Variants in SLC4A7 observed in about 807,000 individuals in gnomAD.
The protein encoded by SLC4A7 is sodium bicarbonate cotransporter 3.
SLC4A7 carries 51 observed loss-of-function variants against 137.6 expected under a neutral mutation model. The observed-to-expected ratio is 0.37, with a 90% CI of 0.30 to 0.47. The LOEUF is 0.47. Among genes scored for constraint, SLC4A7 ranks in the 20% least tolerant of loss-of-function variants. The pLI, the probability that SLC4A7 is intolerant of heterozygous loss-of-function variation, is 1.00. For synonymous variants in SLC4A7, 542 were observed against 518.6 expected, an observed-to-expected ratio of 1.05 and a Z score of -0.61; for missense variants, 1,247 against 1,525.4, an observed-to-expected ratio of 0.82 and a Z score of 3.04.
chr3:27,463,308 A>G (rs2058796999), intron 1 of SLC4A7, among the ~76,000 whole-genome samples: 1 of 152,070 alleles, frequency 6.6e-6, no homozygotes, highest in Non-Finnish European at 1.5e-5. Context: ...GCGGGCGCCT[A>G]TAGTCCAGCT....
At chr3:27,452,376 T>C (rs1028458236) in intron 2 of SLC4A7, 41 bp downstream of exon 2, 1 of 1,273,616 alleles carries the variant, frequency 7.9e-7, no homozygotes. Context: ...AATTAGTAAA[T>C]TATCCTACTA....
chr3:27,442,217 G>A (rs2057254301), intron 3 of SLC4A7, among the ~76,000 whole-genome samples: 1 of 152,034 alleles, frequency 6.6e-6, no homozygotes, highest in Non-Finnish European at 1.5e-5. Context: ...GGACTAAAAT[G>A]TCCCTAATAT....
chr3:27,451,000 T>C (rs1029715450), intron 2 of SLC4A7, among the ~76,000 whole-genome samples: 1 of 152,056 alleles, frequency 6.6e-6, no homozygotes, highest in African/African-American at 2.4e-5. Context: ...ACTGTACATT[T>C]GAATTAGTAA....
intron 1 of SLC4A7, chr3:27,456,974 T>G (rs542883561): frequency 2.0e-5 from 20 of 978,678 alleles, no homozygotes; most frequent in Non-Finnish European, 2.3e-5. Context: ...AACTGAAACC[T>G]TTCTGCAATG....
At chr3:27,400,092 T>C (rs2052599101) in intron 16 of SLC4A7, among the ~76,000 whole-genome samples, 1 of 152,186 alleles carries the variant, frequency 6.6e-6, no homozygotes, top group Non-Finnish European at 1.5e-5. Flanking sequence ...TTAGTCTTAA[T>C]TCTAACTACT....
intron 22 of SLC4A7, among the ~76,000 whole-genome samples, chr3:27,389,124 G>C (rs79476416): frequency 0.06 from 9,074 of 151,822 alleles, 901 homozygotes; most frequent in African/African-American, 0.21. Context: ...TAGTTGCATT[G>C]AAGTCTTCTT....
At chr3:27,376,928 AC>A in intron 25 of SLC4A7, 83 bp from the exon 26 acceptor site, 1 of 564,174 alleles carries the variant, frequency 1.8e-6, no homozygotes, top group Non-Finnish European at 2.8e-6. Context: ...AGTATACTAA[AC>A]CTTCTGAGAT....
At chr3:27,420,175 G>C (rs1371710822) in intron 10 of SLC4A7, among the ~76,000 whole-genome samples, 1 of 149,606 alleles carries the variant, frequency 6.7e-6, no homozygotes, top group South Asian at 2.1e-4. Context: ...AAAAAAAAAA[G>C]AAAAGAAAAG....
intron 17 of SLC4A7, 105 bp downstream of exon 17, chr3:27,398,087 T>C (rs779834530): frequency 5.2e-6 from 4 of 771,620 alleles, no homozygotes; most frequent in South Asian, 2.0e-5. Flanking sequence ...CCAGTTGGCA[T>C]GGAGTATTAA....
chr3:27,484,044 C>T, intron 1 of SLC4A7, 23 bp downstream of exon 1: 2 of 1,389,592 alleles, frequency 1.4e-6, no homozygotes, highest in South Asian at 1.5e-5. Flanking sequence ...TGCGGAGGAG[C>T]CCCACCGCCG....
Position 27,374,169 on chromosome 3 carries a change from A to G in SLC4A7, c.*2595T>C, listed in dbSNP as rs1030290109. On this transcript the variant is annotated 3_prime_UTR_variant, in exon 26 of 26. Transcript: ENST00000454389. Reference sequence around the variant, plus strand: ...GATTTACTACAGACTTTGTAAACAGATATCTATAAATAAATAAACTAGGGT... The same window carrying G: ...GATTTACTACAGACTTTGTAAACAGGTATCTATAAATAAATAAACTAGGGT... The G allele has an allele frequency of 1.3e-5, 2 of 152,546 alleles. No individual in the cohort carries two copies. Among genetic ancestry groups the G allele is most frequent in the Admixed American group, 6.5e-5 (1 of 15,276 alleles). The allele number at this position is 152,546 out of a possible 1,614,324, so 9.4% of individuals were successfully genotyped here. A position where few individuals can be genotyped will look rare whatever the true frequency, so the allele number is the denominator to read the frequency against.
chr3:27,454,151 T>C lies in SLC4A7; in HGVS notation c.61-1653A>G, dbSNP rs552515148. ...ATAGCAAGACCCCCATCTCCATTTA[T>C]TTAATAAAATTTTTAATTAAAAAGA... On this transcript the variant is annotated intron_variant, in intron 1 of 25. Coordinates refer to ENST00000454389, the MANE Select transcript of SLC4A7 (RefSeq NM_001321103.2). Among the ~76,000 whole-genome samples the C allele has an allele frequency of 7.2e-5, 11 of 152,188 alleles. No individual in the cohort carries two copies. In the South Asian group the frequency reaches 2.3e-3, roughly 32 times the overall value.
chr3:27,399,825 A>G (rs993734529), intron 16 of SLC4A7, among the ~76,000 whole-genome samples: 1 of 152,250 alleles, frequency 6.6e-6, no homozygotes, highest in Non-Finnish European at 1.5e-5. Context: ...AGGAGCCAGC[A>G]GTCACATGAA....
intron 1 of SLC4A7, among the ~76,000 whole-genome samples, chr3:27,483,187 G>A (rs1402416543): frequency 1.3e-5 from 2 of 152,208 alleles, no homozygotes; most frequent in African/African-American, 2.4e-5. Context: ...AGACAACTGC[G>A]GGGACGCATG....
At chr3:27,385,262 T>C (rs1013426515) in intron 23 of SLC4A7, among the ~76,000 whole-genome samples, 2 of 152,184 alleles carry the variant, frequency 1.3e-5, no homozygotes, top group Admixed American at 6.5e-5. Flanking sequence ...TTTTCCTTCT[T>C]ATTAACCGAT....
chr3:27,405,696 G>A (rs939664282), intron 13 of SLC4A7, among the ~76,000 whole-genome samples: 11 of 151,996 alleles, frequency 7.2e-5, no homozygotes, highest in Non-Finnish European at 1.2e-4. Flanking sequence ...ATATTTTAAA[G>A]AAATTAATCT....
intron 2 of SLC4A7, among the ~76,000 whole-genome samples, chr3:27,451,535 G>A (rs1164193724): frequency 1.3e-5 from 2 of 151,940 alleles, no homozygotes; most frequent in African/African-American, 2.4e-5. Context: ...GAGAAACACT[G>A]TACAAAATAT....
Position 27,409,422 on chromosome 3 carries a change from G to A in SLC4A7, c.1875C>T (p.Tyr625=), listed in dbSNP as rs2053690961. The A allele has an allele frequency of 1.2e-6, 2 of 1,613,914 alleles. No homozygotes were observed. The highest frequency in any genetic ancestry group is 2.2e-5 in the East Asian group (1 of 44,860). The change falls in exon 13 of 26, where the codon TAC becomes TAT. Residue 625 remains tyrosine, a synonymous_variant. Coordinates refer to ENST00000454389, the MANE Select transcript of SLC4A7 (RefSeq NM_001321103.2). The stretch of plus-strand genomic sequence containing the variant: ...TGATTACAGGAGACATACAGGCACA[G>A]TATAGGAAAAGAATCGAGGCCAGGC... The part of the protein sequence containing the change: ...LQCLASILFL[Y]CACMSPVITF...
At chr3:27,442,959 G>A (rs558950585) in intron 3 of SLC4A7, among the ~76,000 whole-genome samples, 19 of 150,384 alleles carry the variant, frequency 1.3e-4, no homozygotes, top group Admixed American at 3.3e-4. Context: ...CTTGGGAGCC[G>A]TTTTTACTTG....
Sources: gnomAD v4.1 joint callset for allele counts (sites outside exome capture counted in the v4.1 genomes callset) on GRCh38, gnomAD v4.1.1 for gene constraint, MANE v1.5 for transcripts, NCBI Gene and HGNC (gene_info 2026-07-23, HGNC 2026-07-21) for gene names.